Variants in PRELID2 observed in about 807,000 individuals in gnomAD.
PRELID2 encodes PRELI domain-containing protein 2.
Under a neutral mutation model 28.4 loss-of-function variants are expected in PRELID2, and 25 were observed. The ratio of observed to expected loss-of-function variants is 0.88; its 90% CI spans 0.64 to 1.23. The LOEUF (loss-of-function observed/expected upper bound fraction) is 1.23. Among genes scored for constraint, PRELID2 ranks in the 50% most tolerant of loss-of-function variants. PRELID2 has a pLI of 0.00. For synonymous variants in PRELID2, 76 were observed against 71.6 expected, an observed-to-expected ratio of 1.06 and a Z score of -0.31; for missense variants, 201 against 214.4, an observed-to-expected ratio of 0.94 and a Z score of 0.39.
At chr5:145,808,257 C>T (rs1330295140) in intron 4 of PRELID2, among the ~76,000 whole-genome samples, 2 of 152,014 alleles carry the variant, frequency 1.3e-5, no homozygotes, top group Admixed American at 1.3e-4. Context: ...TGTTTTAATA[C>T]TTCAGTAAAA....
At chr5:145,390,064 TA>T in the PRELID2 span, among the ~76,000 whole-genome samples, 2 of 152,132 alleles carry the variant, frequency 1.3e-5, no homozygotes, top group Non-Finnish European at 2.9e-5. Flanking sequence ...GATAGCTGCA[TA>T]AAAAATTATC....
intron 1 of PRELID2, among the ~76,000 whole-genome samples, chr5:145,563,893 A>G (rs1752943847): frequency 6.6e-6 from 1 of 152,204 alleles, no homozygotes; most frequent in African/African-American, 2.4e-5. Flanking sequence ...TGAGAATGCC[A>G]GAAATTCCCC....
At chr5:145,612,680 A>T (rs1753634113) in intron 1 of PRELID2, among the ~76,000 whole-genome samples, 1 of 152,164 alleles carries the variant, frequency 6.6e-6, no homozygotes, top group Non-Finnish European at 1.5e-5. Flanking sequence ...CTCATAGCTT[A>T]GCTCCCACAT....
intron 5 of PRELID2, among the ~76,000 whole-genome samples, chr5:145,785,149 A>G (rs946515547): frequency 1.1e-4 from 16 of 152,224 alleles, no homozygotes; most frequent in Admixed American, 9.8e-4. Flanking sequence ...TATTTCACAT[A>G]TGTAACCTCA....
chr5:145,768,902 C>T (rs1561586702), intron 5 of PRELID2, among the ~76,000 whole-genome samples: 1 of 151,484 alleles, frequency 6.6e-6, no homozygotes, highest in East Asian at 1.9e-4. Context: ...AGAATGGCGG[C>T]AGGGAGAGAG....
chr5:145,820,128 T>A, intron 2 of PRELID2, 110 bp from the exon 3 acceptor site: 1 of 455,324 alleles, frequency 2.2e-6, no homozygotes, highest in Non-Finnish European at 3.6e-6. Context: ...TTTTTGTTTT[T>A]TTTTTTTGAG....
At chr5:145,455,756 GT>G in the PRELID2 span, among the ~76,000 whole-genome samples, 1 of 152,154 alleles carries the variant, frequency 6.6e-6, no homozygotes, top group African/African-American at 2.4e-5. Flanking sequence ...GTCTGTTATT[GT>G]TGTATAGGAA....
rs146436081 is a variant in PRELID2, at chr5:145,562,645, T to G, written n.71-89330A>C. On this transcript the variant is annotated intron_variant and non_coding_transcript_variant, in intron 1 of 2. Transcript: ENST00000510259. ...TAAAAGATTGTCTTCATGTTCTTTG[T>G]GGGAAAAGGTACCAGAGTAGGTGAG... Among the ~76,000 whole-genome samples the G allele has an allele frequency of 4.7e-4, 72 of 152,272 alleles. No individual in the cohort carries two copies. The East Asian group carries it at 0.01, about 21-fold the overall frequency.
chr5:145,491,809 G>C lies in PRELID2; in HGVS notation n.71-18494C>G, dbSNP rs114735531. On this transcript the variant is annotated intron_variant and non_coding_transcript_variant, in intron 1 of 2. Transcript: ENST00000510259. ...GAGATCATGTGGTATTTGTCTTTCT[G>C]TGTTTGGCTTATTTCACTTAATGTA... Among the ~76,000 whole-genome samples, 491 of 151,746 alleles carry C rather than the reference G, an allele frequency of 3.2e-3. 2 individuals are homozygous for C. Among genetic ancestry groups the C allele is most frequent in the African/African-American group, 0.011 (467 of 41,378 alleles).
chr5:145,308,217 A>C, the PRELID2 span, among the ~76,000 whole-genome samples: 48 of 152,316 alleles, frequency 3.2e-4, no homozygotes, highest in African/African-American at 1.1e-3. Context: ...AATGCCCAGC[A>C]GTCCCAGGAT....
At chr5:145,571,987 AAAAAAAGAAAG>A (rs966685542) in intron 1 of PRELID2, among the ~76,000 whole-genome samples, 10 of 148,956 alleles carry the variant, frequency 6.7e-5, no homozygotes, top group Non-Finnish European at 1.5e-4. Flanking sequence ...GTCTCAAAAA[AAAAAAAGAAAG>A]AAAAAAGAAA....
chr5:145,739,008 C>T (rs1756574153), intron 1 of PRELID2, among the ~76,000 whole-genome samples: 2 of 152,080 alleles, frequency 1.3e-5, no homozygotes, highest in South Asian at 4.1e-4. Context: ...ATGGAGGCTA[C>T]AGGAAGTGGC....
the PRELID2 span, among the ~76,000 whole-genome samples, chr5:145,340,323 A>G: frequency 6.6e-6 from 1 of 152,086 alleles, no homozygotes; most frequent in Non-Finnish European, 1.5e-5. Context: ...CCAACATAGC[A>G]TGGACTGCAT....
At chr5:145,461,136 A>G in the PRELID2 span, among the ~76,000 whole-genome samples, 1 of 152,172 alleles carries the variant, frequency 6.6e-6, no homozygotes, top group African/African-American at 2.4e-5. Flanking sequence ...TGAAAAATCA[A>G]TTTGTCCTAT....
chr5:145,232,040 T>C, the PRELID2 span, among the ~76,000 whole-genome samples: 1 of 152,112 alleles, frequency 6.6e-6, no homozygotes, highest in Non-Finnish European at 1.5e-5. Context: ...CTAGCTAATG[T>C]ATCAGATTTT....
intron 5 of PRELID2, among the ~76,000 whole-genome samples, chr5:145,779,511 T>C (rs1758645329): frequency 1.1e-5 from 1 of 91,354 alleles, no homozygotes; most frequent in African/African-American, 3.6e-5. Flanking sequence ...GAAGTTTATG[T>C]AGTTACTGTG....
At chr5:145,338,824 C>G in the PRELID2 span, among the ~76,000 whole-genome samples, 1 of 152,310 alleles carries the variant, frequency 6.6e-6, no homozygotes, top group South Asian at 2.1e-4. Context: ...ACTTGCCTGG[C>G]TCCAATGCCT....
chr5:145,595,161 G>GACACACAC (rs3038287), intron 1 of PRELID2, among the ~76,000 whole-genome samples: 1,748 of 131,204 alleles, frequency 0.013, 17 homozygotes, highest in East Asian at 0.022. Context: ...AGTCATAATA[G>GACACACAC]ACACACACAC....
the PRELID2 span, among the ~76,000 whole-genome samples, chr5:145,432,582 C>A: frequency 7.9e-5 from 12 of 152,214 alleles, no homozygotes; most frequent in East Asian, 1.9e-4. Context: ...AAAATCTGAT[C>A]CATTACATGT....
Sources: allele counts gnomAD v4.1 joint callset (sites outside exome capture counted in the v4.1 genomes callset), GRCh38; gene constraint gnomAD v4.1.1; transcripts MANE v1.5; gene names NCBI Gene and HGNC (gene_info 2026-07-23, HGNC 2026-07-21).